The following ZNF600 variants were observed in gnomAD, a reference collection of about 807,000 sequenced individuals.
ZNF600 encodes the protein zinc finger protein 600, also known as zinc finger protein KR-ZNF1.
ZNF600 carries 4 observed loss-of-function variants against 7.3 expected under a neutral mutation model. That is an observed-to-expected ratio of 0.55 (90% confidence interval 0.27 to 1.25). The LOEUF is 1.25. ZNF600 is among the 50% of genes most tolerant of loss of function. The pLI is 0.12. For synonymous variants in ZNF600, 290 were observed against 308.9 expected, an observed-to-expected ratio of 0.94 and a Z score of 0.64; for missense variants, 911 against 922.1, an observed-to-expected ratio of 0.99 and a Z score of 0.16.
the ZNF600 span, among the ~76,000 whole-genome samples, chr19:52,817,114 TGTAATCCCAGCACTTTA>T: frequency 1.3e-5 from 2 of 152,136 alleles, no homozygotes; most frequent in Non-Finnish European, 2.9e-5. Flanking sequence ...GGCTCACGCT[TGTAATCCCAGCACTTTA>T]GGAAGCCAAA....
upstream of ZNF600, among the ~76,000 whole-genome samples, chr19:52,790,281 G>C (rs915385448): frequency 3.3e-5 from 5 of 152,170 alleles, no homozygotes; most frequent in Admixed American, 1.3e-4. Context: ...GGCAGATCAT[G>C]AGGTCAGGAG....
the ZNF600 span, among the ~76,000 whole-genome samples, chr19:52,825,819 C>A: frequency 2.0e-5 from 3 of 152,042 alleles, no homozygotes; most frequent in East Asian, 5.8e-4. Flanking sequence ...AACTCCATCT[C>A]TATTAAAAAT....
chr19:52,800,864 G>A, the ZNF600 span: 3 of 1,613,984 alleles, frequency 1.9e-6, no homozygotes, highest in Non-Finnish European at 2.5e-6. Flanking sequence ...CCTTACATTT[G>A]TATGGTTTCC....
chr19:52,775,625 G>T (rs1348836024), intron 2 of ZNF600, among the ~76,000 whole-genome samples: 8 of 152,174 alleles, frequency 5.3e-5, no homozygotes, highest in Admixed American at 5.2e-4. Context: ...CATACCAGGT[G>T]ATATTAAGTC....
chr19:52,820,509 TGTTA>T, the ZNF600 span, among the ~76,000 whole-genome samples: 1 of 152,076 alleles, frequency 6.6e-6, no homozygotes, highest in African/African-American at 2.4e-5. Flanking sequence ...CTGCTCTCCC[TGTTA>T]AATTCTCTCT....
chr19:52,824,392 T>C, the ZNF600 span, among the ~76,000 whole-genome samples: 2 of 152,156 alleles, frequency 1.3e-5, no homozygotes, highest in Non-Finnish European at 2.9e-5. Context: ...CCCGGCACTT[T>C]GGGTGGCCGA....
Position 52,782,835 on chromosome 19 carries a change from A to G in ZNF600, c.-20+3760T>C, listed in dbSNP as rs1032622437. On this transcript the variant is annotated intron_variant, in intron 1 of 3. Coordinates refer to ENST00000648973, the Ensembl canonical transcript of ZNF600. ...GGTTGCAGTGAGTAAAGATCGCTCC[A>G]CTGCACTCCAGCCTGCATGACAGAG... Among the ~76,000 whole-genome samples the G allele has an allele frequency of 7.9e-4, 120 of 152,268 alleles. 1 individual carries two copies. The highest frequency in any genetic ancestry group is 2.1e-4 in the Non-Finnish European group (14 of 68,024).
chr19:52,800,260 C>T, the ZNF600 span: 12 of 1,613,308 alleles, frequency 7.4e-6, no homozygotes, highest in African/African-American at 1.3e-5. Context: ...AAAACCTTGC[C>T]ACATTCATTA....
At position 52,766,542 on chromosome 19, in the gene ZNF600, G is replaced by A. The variant is rs769627634; in HGVS notation, c.1421C>T (p.Thr474Ile). ...AGGTTTTCCTCCACTATGAATTCTAGTATGTCTTACCAGGTGTGAATTCCA... is the reference window on the plus strand; with the variant it reads ...AGGTTTTCCTCCACTATGAATTCTAATATGTCTTACCAGGTGTGAATTCCA... The change falls in exon 4 of 4, where the codon ACT (threonine) becomes ATT (isoleucine). Residue 474 changes from threonine to isoleucine, a missense_variant. Thr to Ile is a moderately conservative substitution (Grantham distance 89). Coordinates refer to ENST00000648973, the Ensembl canonical transcript of ZNF600. 3.7e-6 allele frequency: 6 copies of A among 1,613,722 alleles called. No individual in the cohort carries two copies. The South Asian group carries it at 6.6e-5, about 18-fold the overall frequency.
At chr19:52,820,535 A>C in the ZNF600 span, among the ~76,000 whole-genome samples, 13 of 151,460 alleles carry the variant, frequency 8.6e-5, no homozygotes, top group African/African-American at 2.4e-4. Context: ...CTCTGTTATA[A>C]CCCCCTGGAC....
the ZNF600 span, among the ~76,000 whole-genome samples, chr19:52,832,429 C>T: frequency 6.6e-6 from 1 of 151,850 alleles, no homozygotes; most frequent in Non-Finnish European, 1.5e-5. Context: ...CTCATCTCTA[C>T]TAAGAATACA....
chr19:52,778,007 TCTCC>T (rs1048035022), intron 2 of ZNF600, among the ~76,000 whole-genome samples: 13 of 150,210 alleles, frequency 8.7e-5, no homozygotes, highest in Non-Finnish European at 1.3e-4. Context: ...AGCGACACCT[TCTCC>T]CTCTCTCTCT....
exon 4 of ZNF600, chr19:52,766,392 G>A (rs2062577675): frequency 6.2e-7 from 1 of 1,614,114 alleles, no homozygotes; most frequent in African/African-American, 1.3e-5. Context: ...CTCAAGGGTT[G>A]ATCCACAACT....
At chr19:52,787,730 G>C (rs2062777259), upstream of ZNF600, among the ~76,000 whole-genome samples, 1 of 150,426 alleles carries the variant, frequency 6.6e-6, no homozygotes, top group Admixed American at 6.6e-5. Flanking sequence ...CGTGGTGGTG[G>C]GTGCCTGTAA....
the ZNF600 span, chr19:52,798,656 C>T: frequency 2.3e-6 from 1 of 436,548 alleles, no homozygotes. Context: ...TGAAACTTGA[C>T]TGAAGACCTT....
chr19:52,824,514 A>T, the ZNF600 span, among the ~76,000 whole-genome samples: 1 of 152,146 alleles, frequency 6.6e-6, no homozygotes, highest in Non-Finnish European at 1.5e-5. Context: ...GCGCGCCTGT[A>T]GTCCCAGATA....
the ZNF600 span, chr19:52,805,517 C>T: frequency 6.6e-6 from 1 of 151,682 alleles, no homozygotes; most frequent in East Asian, 1.9e-4. Context: ...GTTGCAGCTA[C>T]TCGGGAGGCT....
At chr19:52,809,822 A>AGGT in the ZNF600 span, 3 of 527,246 alleles carry the variant, frequency 5.7e-6, no homozygotes, top group Non-Finnish European at 1.0e-5. Context: ...TGAGCGGCGA[A>AGGT]GGCGGCGGCG....
the ZNF600 span, among the ~76,000 whole-genome samples, chr19:52,794,103 A>G: frequency 6.6e-6 from 1 of 151,922 alleles, no homozygotes; most frequent in Non-Finnish European, 1.5e-5. Context: ...ACAGGATTGT[A>G]GAGCTCAGTG....
Sources: allele counts gnomAD v4.1 joint callset (sites outside exome capture counted in the v4.1 genomes callset), GRCh38; gene constraint gnomAD v4.1.1; transcripts MANE v1.5; gene names NCBI Gene and HGNC (gene_info 2026-07-23, HGNC 2026-07-21).